TP53BP1: variants seen among roughly 807,000 people sequenced by gnomAD.
TP53BP1 encodes tumor protein p53 binding protein 1.
A neutral mutation model predicts 200.8 loss-of-function variants in TP53BP1; 61 were observed. That is an observed-to-expected ratio of 0.30 (90% CI 0.25 to 0.38). The LOEUF (loss-of-function observed/expected upper bound fraction) is 0.38, where lower values mean the gene tolerates loss of function less well. Ranked by LOEUF, TP53BP1 falls within the 10% of genes least tolerant of loss-of-function variation. The pLI, the probability that TP53BP1 is intolerant of heterozygous loss-of-function variation, is 1.00. For synonymous variants in TP53BP1, 822 were observed against 844.3 expected, an observed-to-expected ratio of 0.97 and a Z score of 0.46; for missense variants, 2,144 against 2,371.9, an observed-to-expected ratio of 0.90 and a Z score of 2.00.
chr15:43,421,617 C>T (rs2045399905), intron 19 of TP53BP1: 4 of 597,048 alleles, frequency 6.7e-6, no homozygotes, highest in South Asian at 4.3e-5. Context: ...AGTCCCCTCC[C>T]CTGTTACCTA....
intron 11 of TP53BP1, among the ~76,000 whole-genome samples, chr15:43,463,496 G>A (rs899653795): frequency 6.6e-6 from 1 of 151,988 alleles, no homozygotes; most frequent in Non-Finnish European, 1.5e-5. Context: ...GACATATAAT[G>A]AAAAAAGTAG....
At chr15:43,408,187 T>A (rs1054614476) in intron 26 of TP53BP1, 99 bp from the exon 27 acceptor site, 216 of 1,227,636 alleles carry the variant, frequency 1.8e-4, no homozygotes, top group Non-Finnish European at 2.4e-4. Flanking sequence ...CTTTCAAAAA[T>A]AAATGCCCCA....
chr15:43,460,807 G>C (rs1205178709), intron 11 of TP53BP1, among the ~76,000 whole-genome samples: 2 of 151,552 alleles, frequency 1.3e-5, no homozygotes, highest in Admixed American at 1.3e-4. Flanking sequence ...AGGATTACTT[G>C]AGCCCAGGAG....
chr15:43,457,671 C>CAA lies in TP53BP1; in HGVS notation c.1390-455_1390-454dup, dbSNP rs56866996. Among the ~76,000 whole-genome samples, 68 of 19,112 alleles carry CAA rather than the reference C, an allele frequency of 3.6e-3. 8 individuals are homozygous for CAA. The highest frequency in any genetic ancestry group is 6.1e-3 in the Non-Finnish European group (57 of 9,352). The allele number at this position is 19,112 out of a possible 152,430, so 12.5% of individuals were successfully genotyped here. A position where few individuals can be genotyped will look rare whatever the true frequency, so the allele number is the denominator to read the frequency against. On this transcript the variant is annotated intron_variant, in intron 11 of 27. Coordinates refer to ENST00000382044, the MANE Select transcript of TP53BP1 (RefSeq NM_001141980.3). ...TGGGTGACGGAGTGAGACTCCATCT[C>CAA]AAAAAAAAAAAAAAAAAAAAAAAAA...
intron 21 of TP53BP1, among the ~76,000 whole-genome samples, chr15:43,419,791 A>G (rs1036671126): frequency 6.6e-6 from 1 of 152,088 alleles, no homozygotes; most frequent in African/African-American, 2.4e-5. Flanking sequence ...GGACTCCCCA[A>G]AACTGTCAAG....
chr15:43,407,241 T>G lies in TP53BP1; in HGVS notation c.*142A>C. The G allele has an allele frequency of 1.4e-6, 1 of 704,002 alleles. No individual in the cohort carries two copies. Among genetic ancestry groups the G allele is most frequent in the Non-Finnish European group, 2.3e-6 (1 of 429,514 alleles). 43.6% of individuals were successfully genotyped at this position (704,002 alleles called of 1,614,324 possible). A position where few individuals can be genotyped will look rare whatever the true frequency, so the allele number is the denominator to read the frequency against. ...ACTACAACCAAAGAGATTCAACATT[T>G]ATTTTATCATAAAAGTTCAGCAAAT... On this transcript the variant is annotated 3_prime_UTR_variant, in exon 28 of 28. Coordinates refer to ENST00000382044, the MANE Select transcript of TP53BP1 (RefSeq NM_001141980.3).
intron 9 of TP53BP1, among the ~76,000 whole-genome samples, chr15:43,475,159 AAAACT>A (rs2140108539): frequency 6.6e-6 from 1 of 152,338 alleles, no homozygotes; most frequent in East Asian, 1.9e-4. Context: ...TCAGAAAACT[AAAACT>A]AAACAAAAAA....
intron 23 of TP53BP1, among the ~76,000 whole-genome samples, chr15:43,413,715 T>C (rs2142968272): frequency 6.6e-6 from 1 of 152,080 alleles, no homozygotes; most frequent in Middle Eastern, 3.4e-3. Context: ...TGTTTGGAAA[T>C]CTTCAGCCCA....
intron 16 of TP53BP1, among the ~76,000 whole-genome samples, chr15:43,433,481 T>C (rs2045717501): frequency 6.6e-6 from 1 of 152,338 alleles, no homozygotes; most frequent in Middle Eastern, 3.4e-3. Flanking sequence ...AACAGAAATT[T>C]GACATTCATG....
intron 1 of TP53BP1, among the ~76,000 whole-genome samples, chr15:43,502,849 G>A (rs1002983400): frequency 1.3e-5 from 2 of 151,622 alleles, no homozygotes; most frequent in East Asian, 3.9e-4. Flanking sequence ...TCTGTCTCCC[G>A]GGTTCAAGCG....
At chr15:43,508,357 C>T (rs936947276) in intron 1 of TP53BP1, among the ~76,000 whole-genome samples, 1 of 151,994 alleles carries the variant, frequency 6.6e-6, no homozygotes, top group African/African-American at 2.4e-5. Context: ...AAGACTCCGT[C>T]TCAAAAAAAA....
At chr15:43,497,436 T>C (rs890228280), upstream of TP53BP1, 5 of 985,344 alleles carry the variant, frequency 5.1e-6, no homozygotes, top group Non-Finnish European at 6.0e-6. Context: ...CTGATGCTGT[T>C]GCCATTCCCT....
upstream of TP53BP1, among the ~76,000 whole-genome samples, chr15:43,494,786 C>T (rs1020306266): frequency 2.0e-5 from 3 of 152,208 alleles, no homozygotes; most frequent in Non-Finnish European, 4.4e-5. Context: ...ATAAAAATCC[C>T]CCAAAAGTTA....
At chr15:43,490,399 T>TC (rs1491223804) in intron 4 of TP53BP1, among the ~76,000 whole-genome samples, 2 of 151,808 alleles carry the variant, frequency 1.3e-5, no homozygotes, top group East Asian at 3.9e-4. Context: ...TTTTTTTTTT[T>TC]CTTTTGTAGA....
At chr15:43,469,798 C>A (rs1243164788) in intron 11 of TP53BP1, 60 bp downstream of exon 11, 2 of 1,340,734 alleles carry the variant, frequency 1.5e-6, no homozygotes, top group Non-Finnish European at 2.1e-6. Context: ...TAAATTATAC[C>A]CCAATAATGC....
upstream of TP53BP1, chr15:43,493,211 G>A (rs1253244983): frequency 1.7e-5 from 25 of 1,468,292 alleles, no homozygotes; most frequent in Non-Finnish European, 2.1e-5. Context: ...GCCGCCGCCC[G>A]CCACTCAAGA....
In TP53BP1 at chr15:43,447,487, T is replaced by TTAAAAAAAAAAAAAAA; in HGVS notation, c.2717-3_2717-2insTTTTTTTTTTTTTTTA. On this transcript the variant is annotated splice_region_variant and splice_polypyrimidine_tract_variant and intron_variant, in intron 12 of 27. Coordinates refer to ENST00000382044, the MANE Select transcript of TP53BP1 (RefSeq NM_001141980.3). ...GCAAAGTGAAATGAAATGGGGTTTC[T>TTAAAAAAAAAAAAAAA]GAAAAAAAAAAAAAAAAGAAAAAAG... is the stretch of plus-strand genomic sequence containing the variant. 7.7e-7 allele frequency: 1 copy of TTAAAAAAAAAAAAAAA among 1,293,938 alleles called. No individual in the cohort carries two copies. 80.2% of individuals were successfully genotyped at this position (1,293,938 alleles called of 1,614,324 possible).
chr15:43,406,602 A>G lies in TP53BP1; in HGVS notation c.*781T>C, dbSNP rs2044896240. The G allele has an allele frequency of 4.4e-6, 2 of 455,950 alleles. No individual in the cohort carries two copies. The highest frequency in any genetic ancestry group is 2.4e-5 in the Admixed American group (1 of 42,548). The allele number at this position is 455,950 out of a possible 1,614,324, so 28.2% of individuals were successfully genotyped here. A position where few individuals can be genotyped will look rare whatever the true frequency, so the allele number is the denominator to read the frequency against. ...TATTTACTCTTTGACCCTTTACAGA[A>G]AAAAACCTTGTTGACCCCTGCTTTA... On this transcript the variant is annotated 3_prime_UTR_variant, in exon 28 of 28. Coordinates refer to ENST00000382044, the MANE Select transcript of TP53BP1 (RefSeq NM_001141980.3).
upstream of TP53BP1, chr15:43,493,284 G>C (rs938282417): frequency 6.7e-6 from 9 of 1,350,426 alleles, no homozygotes; most frequent in African/African-American, 1.2e-4. Context: ...AAAGGAACAC[G>C]GCGGCGCGTT....
Sources: gnomAD v4.1 joint callset for allele counts (sites outside exome capture counted in the v4.1 genomes callset) on GRCh38, gnomAD v4.1.1 for gene constraint, MANE v1.5 for transcripts, NCBI Gene and HGNC (gene_info 2026-07-23, HGNC 2026-07-21) for gene names.